FBXO27: variants seen among roughly 807,000 people sequenced by gnomAD.
The protein encoded by FBXO27 is F-box only protein 27.
A neutral mutation model predicts 28.3 loss-of-function variants in FBXO27; 28 were observed. That is an observed-to-expected ratio of 0.99 (90% CI 0.73 to 1.36). The LOEUF is 1.36. FBXO27 is among the 40% of genes most tolerant of loss of function. The probability of loss-of-function intolerance (pLI) is 0.00; values close to 1 mark genes in which losing one functional copy is unlikely to be tolerated. For missense variants in FBXO27, 388 were observed against 394.1 expected, an observed-to-expected ratio of 0.98 and a Z score of 0.13; for synonymous variants, 175 against 167.3, an observed-to-expected ratio of 1.05 and a Z score of -0.36.
At chr19:39,021,777 C>T (rs1164003990), downstream of FBXO27, among the ~76,000 whole-genome samples, 1 of 152,048 alleles carries the variant, frequency 6.6e-6, no homozygotes, top group Non-Finnish European at 1.5e-5. Flanking sequence ...ATTCTCCTGC[C>T]TCAGCCTCCC....
intron 1 of FBXO27, among the ~76,000 whole-genome samples, chr19:39,017,547 T>C (rs1367752642): frequency 1.3e-5 from 2 of 151,570 alleles, no homozygotes; most frequent in African/African-American, 4.9e-5. Context: ...TACAAAAAAT[T>C]AGCTGGGCAT....
chr19:39,011,691 G>A (rs1317523910), intron 2 of FBXO27, among the ~76,000 whole-genome samples: 4 of 12,076 alleles, frequency 3.3e-4, no homozygotes, highest in East Asian at 6.8e-3. Context: ...CAGAGATGGC[G>A]GCGGGGGAGG....
rs2072908014 is a variant in FBXO27, at chr19:39,031,991, G to A, written c.237C>T (p.Gly79=). 2 of 1,516,204 alleles carry A rather than the reference G, an allele frequency of 1.3e-6. No individual in the cohort carries two copies. Among genetic ancestry groups the A allele is most frequent in the East Asian group, 5.3e-5 (2 of 37,844 alleles). 93.9% of individuals were successfully genotyped at this position (1,516,204 alleles called of 1,614,324 possible). The change falls in exon 2 of 6, where the codon GGC becomes GGT. Residue 79 remains glycine, a synonymous_variant. Coordinates refer to ENST00000292853, the MANE Select transcript of FBXO27 (RefSeq NM_178820.5). ...LILARDHGAT[G]RALLHLARSC... is the part of the protein sequence containing the mutation. ...TGCGGGCGAGGTGCAGCAGCGCGCG[G>A]CCGGTGGCGCCGTGGTCGCGGGCCA... is the stretch of plus-strand genomic sequence containing the variant.
chr19:39,026,840 C>T (rs1600227689), intron 5 of FBXO27, 30 bp downstream of exon 5: 1 of 1,613,174 alleles, frequency 6.2e-7, no homozygotes, highest in Non-Finnish European at 8.5e-7. Flanking sequence ...CCCCCAGCAT[C>T]CTTTCCCCAA....
At chr19:39,014,169 T>A (rs1034326120) in intron 2 of FBXO27, among the ~76,000 whole-genome samples, 1 of 152,196 alleles carries the variant, frequency 6.6e-6, no homozygotes, top group African/African-American at 2.4e-5. Context: ...TGCGCCCGTT[T>A]TTAATTTAGC....
intron 1 of FBXO27, among the ~76,000 whole-genome samples, chr19:39,019,016 C>CAGAGGTTG (rs1216664501): frequency 6.7e-6 from 1 of 149,806 alleles, no homozygotes; most frequent in Non-Finnish European, 1.5e-5. Flanking sequence ...TTGCAGTGAG[C>CAGAGGTTG]CCAGATCATG....
intron 2 of FBXO27, among the ~76,000 whole-genome samples, chr19:39,006,981 G>A (rs1256156775): frequency 6.7e-6 from 1 of 148,518 alleles, no homozygotes; most frequent in Non-Finnish European, 1.5e-5. Context: ...GCTGAGGTGG[G>A]AGGATCACTT....
At chr19:39,025,633 G>A in intron 5 of FBXO27, 79 bp from the exon 6 acceptor site, 1 of 1,487,740 alleles carries the variant, frequency 6.7e-7, no homozygotes, top group South Asian at 1.4e-5. Context: ...TCTGGAAGAT[G>A]GTTATTTTCC....
chr19:39,013,403 G>C (rs1468119183), intron 2 of FBXO27, among the ~76,000 whole-genome samples: 1 of 152,102 alleles, frequency 6.6e-6, no homozygotes, highest in Non-Finnish European at 1.5e-5. Flanking sequence ...GCTGAGGCGG[G>C]AGGATCACCT....
chr19:39,013,607 G>C (rs56166490), intron 2 of FBXO27, among the ~76,000 whole-genome samples: 3 of 151,774 alleles, frequency 2.0e-5, no homozygotes, highest in African/African-American at 7.2e-5. Context: ...TCCAGCATGG[G>C]TGACAGAAGG....
At chr19:39,011,323 C>G (rs1216605598) in intron 2 of FBXO27, among the ~76,000 whole-genome samples, 1 of 152,068 alleles carries the variant, frequency 6.6e-6, no homozygotes, top group African/African-American at 2.4e-5. Context: ...TCCCAGCTAC[C>G]TGGAAGGTGG....
At chr19:39,021,521 T>C (rs190022039), downstream of FBXO27, among the ~76,000 whole-genome samples, 35 of 152,338 alleles carry the variant, frequency 2.3e-4, no homozygotes, top group East Asian at 6.4e-3. Flanking sequence ...TTTTCTTTTC[T>C]TTAGCTTACT....
At chr19:39,017,013 A>G (rs1175003723) in intron 1 of FBXO27, among the ~76,000 whole-genome samples, 1 of 152,060 alleles carries the variant, frequency 6.6e-6, no homozygotes, top group African/African-American at 2.4e-5. Context: ...TGAGCCCAGG[A>G]GGTCGAGGCT....
chr19:39,026,981 G>A lies in FBXO27; in HGVS notation c.597C>T (p.Gly199=). 6.2e-7 allele frequency: 1 copy of A among 1,614,190 alleles called. No individual in the cohort carries two copies. Among genetic ancestry groups the A allele is most frequent in the Non-Finnish European group, 8.5e-7 (1 of 1,180,032 alleles). The stretch of plus-strand genomic sequence containing the variant: ...GTTGGACGAGGAGTCTGTACATACA[G>A]CCGCTGTCGTGTCGGGCTCCCCACC... ...SDWWGARHDS[G]CMYRLLVQLL... is the part of the protein sequence containing the mutation. The change falls in exon 5 of 6, where the codon GGC becomes GGT. Residue 199 remains glycine (G), a synonymous_variant. Coordinates refer to ENST00000292853, the MANE Select transcript of FBXO27 (RefSeq NM_178820.5).
At chr19:39,015,840 G>T (rs1227842228) in intron 1 of FBXO27, among the ~76,000 whole-genome samples, 1 of 152,166 alleles carries the variant, frequency 6.6e-6, no homozygotes, top group East Asian at 1.9e-4. Context: ...GGAGGCTCAG[G>T]CGGGTAGATC....
intron 1 of FBXO27, among the ~76,000 whole-genome samples, chr19:39,017,662 C>CAAAA (rs58873231): frequency 6.4e-5 from 9 of 141,314 alleles, no homozygotes; most frequent in African/African-American, 1.6e-4. Context: ...GAGACTGTCT[C>CAAAA]AAAAAAAAAA....
At chr19:39,019,068 C>A (rs75651920), downstream of FBXO27, among the ~76,000 whole-genome samples, 1 of 124,434 alleles carries the variant, frequency 8.0e-6, no homozygotes, top group Admixed American at 8.3e-5. Flanking sequence ...GACTCTATCA[C>A]AAAAAAAAAA....
chr19:39,030,823 G>A (rs1414924932), intron 4 of FBXO27: 1 of 601,924 alleles, frequency 1.7e-6, no homozygotes, highest in Non-Finnish European at 2.9e-6. Flanking sequence ...GGTTGGGCTG[G>A]TCTCGAACTC....
At chr19:39,010,644 C>T (rs1221665874) in intron 2 of FBXO27, among the ~76,000 whole-genome samples, 3 of 152,218 alleles carry the variant, frequency 2.0e-5, no homozygotes, top group Non-Finnish European at 4.4e-5. Flanking sequence ...TATCCCCCGT[C>T]TCTTCCATGG....
Sources: gnomAD v4.1 joint callset for allele counts (sites outside exome capture counted in the v4.1 genomes callset) on GRCh38, gnomAD v4.1.1 for gene constraint, MANE v1.5 for transcripts, NCBI Gene and HGNC (gene_info 2026-07-23, HGNC 2026-07-21) for gene names.